Variants in ANGPT2 observed in about 807,000 individuals in gnomAD.
ANGPT2 encodes angiopoietin-2.
In ANGPT2, 28 loss-of-function variants were observed where a neutral mutation model predicts 62.9. The ratio of observed to expected loss-of-function variants is 0.44; its 90% CI spans 0.33 to 0.61. The LOEUF (loss-of-function observed/expected upper bound fraction) is 0.61. Ranked by LOEUF, ANGPT2 falls within the 20% of genes least tolerant of loss-of-function variation. The probability of loss-of-function intolerance (pLI) is 0.03; values close to 1 mark genes in which losing one functional copy is unlikely to be tolerated. For synonymous variants in ANGPT2, 284 were observed against 207.8 expected (o/e 1.37, Z -3.15); for missense variants, 727 against 594.9 (o/e 1.22, Z -2.31).
chr8:6,508,575 A>G (rs1431172140), intron 8 of ANGPT2: 6 of 423,192 alleles, frequency 1.4e-5, no homozygotes, highest in Non-Finnish European at 1.7e-5. Flanking sequence ...TGTGGTTGCT[A>G]CTTGGAATTT....
At chr8:6,504,475 C>T (rs1280323294) in intron 8 of ANGPT2, among the ~76,000 whole-genome samples, 1 of 152,146 alleles carries the variant, frequency 6.6e-6, no homozygotes, top group Non-Finnish European at 1.5e-5. Context: ...CTCCTGATCA[C>T]TTAGTAGCTG....
intron 7 of ANGPT2, among the ~76,000 whole-genome samples, chr8:6,511,752 T>G (rs1340623338): frequency 6.6e-6 from 1 of 152,230 alleles, no homozygotes; most frequent in Non-Finnish European, 1.5e-5. Flanking sequence ...AAATGGCCTA[T>G]CCAAAAATTG....
chr8:6,535,369 AT>A (rs1820293157), intron 1 of ANGPT2, among the ~76,000 whole-genome samples: 1 of 152,188 alleles, frequency 6.6e-6, no homozygotes, highest in Non-Finnish European at 1.5e-5. Flanking sequence ...TACAGGCCCA[AT>A]TTTAAAAAAT....
intron 1 of ANGPT2, among the ~76,000 whole-genome samples, chr8:6,541,212 G>A (rs1306523504): frequency 2.0e-5 from 3 of 152,230 alleles, no homozygotes; most frequent in Non-Finnish European, 2.9e-5. Flanking sequence ...GCACCAGAGG[G>A]TTTCCCTGAC....
intron 4 of ANGPT2, among the ~76,000 whole-genome samples, chr8:6,520,412 C>T (rs1817092212): frequency 6.6e-6 from 1 of 152,014 alleles, no homozygotes; most frequent in Non-Finnish European, 1.5e-5. Context: ...CATTGCCTGC[C>T]CCTTCAGGCC....
intron 1 of ANGPT2, among the ~76,000 whole-genome samples, chr8:6,536,370 A>T (rs1820503344): frequency 6.6e-6 from 1 of 150,856 alleles, no homozygotes; most frequent in African/African-American, 2.4e-5. Context: ...ATGTTAGCTC[A>T]ACCCAGAGGC....
At position 6,505,366 on chromosome 8, in the gene ANGPT2, T is replaced by A. The variant is rs547411890; in HGVS notation, c.1328-2105A>T. 2.9e-3 allele frequency among the ~76,000 whole-genome samples: 234 copies of A among 79,686 alleles called. 32 individuals are homozygous for A. Among genetic ancestry groups the A allele is most frequent in the African/African-American group, 0.012 (215 of 18,074 alleles). 52.3% of individuals were successfully genotyped at this position (79,686 alleles called of 152,430 possible). On this transcript the variant is annotated intron_variant, in intron 8 of 8. Coordinates refer to ENST00000629816, the MANE Select transcript of ANGPT2 (RefSeq NM_001118887.2). ...TATATATATTCTTTCTATATGTATA[T>A]AGAATATATATATTCTTTCTATATG...
At chr8:6,514,607 G>A (rs1331723408) in intron 6 of ANGPT2, 70 bp downstream of exon 6, 1 of 1,375,946 alleles carries the variant, frequency 7.3e-7, no homozygotes, top group Non-Finnish European at 1.0e-6. Flanking sequence ...GGTGGTTAAG[G>A]TTCCGCAGAT....
intron 5 of ANGPT2, among the ~76,000 whole-genome samples, chr8:6,518,907 A>T (rs1358355215): frequency 2.0e-5 from 3 of 152,084 alleles, no homozygotes; most frequent in Non-Finnish European, 4.4e-5. Flanking sequence ...TATTCTCCGG[A>T]AGGGTTTTTT....
intron 7 of ANGPT2, 142 bp from the exon 8 acceptor site, chr8:6,509,204 A>G (rs1386108312): frequency 1.1e-5 from 12 of 1,085,902 alleles, no homozygotes; most frequent in African/African-American, 3.2e-5. Context: ...TGGACAAAAT[A>G]TTTTGCACTG....
intron 8 of ANGPT2, among the ~76,000 whole-genome samples, chr8:6,507,199 T>G (rs997990619): frequency 6.6e-6 from 1 of 152,078 alleles, no homozygotes; most frequent in African/African-American, 2.4e-5. Context: ...TGCCCAGCCC[T>G]ATTAATGATT....
chr8:6,535,338 A>G (rs995897981), intron 1 of ANGPT2, among the ~76,000 whole-genome samples: 6 of 152,234 alleles, frequency 3.9e-5, no homozygotes, highest in African/African-American at 1.4e-4. Context: ...TTGAAATTAA[A>G]CTTAGGAACT....
intron 3 of ANGPT2, among the ~76,000 whole-genome samples, chr8:6,525,478 C>G (rs1280000642): frequency 6.6e-6 from 1 of 152,228 alleles, no homozygotes; most frequent in Non-Finnish European, 1.5e-5. Flanking sequence ...AATCCTATCA[C>G]TCTGGCCTCC....
intron 1 of ANGPT2, among the ~76,000 whole-genome samples, chr8:6,542,838 A>G (rs927558726): frequency 6.6e-6 from 1 of 152,170 alleles, no homozygotes; most frequent in African/African-American, 2.4e-5. Context: ...CTTGGTCACA[A>G]TGACTATCCT....
chr8:6,532,477 T>G lies in ANGPT2; in HGVS notation c.299A>C (p.Tyr100Ser), dbSNP rs199554025. The change falls in exon 2 of 9, where the codon TAT (tyrosine) becomes TCT (serine). Residue 100 changes from tyrosine (Y) to serine (S), a missense_variant. Coordinates refer to ENST00000629816, the MANE Select transcript of ANGPT2 (RefSeq NM_001118887.2). ...TTCTTTCTTCATGTTGTCCTGGATA[T>G]AATTCTCAAGCTAGAAAAGAACAGT... ...NTQWLMKLEN[Y>S]IQDNMKKEMV... The G allele has an allele frequency of 6.2e-7, 1 of 1,612,180 alleles. No individual in the cohort carries two copies. The highest frequency in any genetic ancestry group is 8.5e-7 in the Non-Finnish European group (1 of 1,179,366).
At chr8:6,520,912 C>G (rs1338327734) in intron 4 of ANGPT2, among the ~76,000 whole-genome samples, 2 of 152,204 alleles carry the variant, frequency 1.3e-5, no homozygotes, top group African/African-American at 4.8e-5. Context: ...TTTGCCCAGT[C>G]TCATCCTTCT....
intron 1 of ANGPT2, among the ~76,000 whole-genome samples, chr8:6,540,556 G>A (rs1407830309): frequency 6.6e-6 from 1 of 152,212 alleles, no homozygotes; most frequent in African/African-American, 2.4e-5. Flanking sequence ...CAGATTCCTG[G>A]AAGATGAGGA....
intron 7 of ANGPT2, among the ~76,000 whole-genome samples, chr8:6,510,590 C>T (rs547495524): frequency 6.6e-6 from 1 of 152,218 alleles, no homozygotes; most frequent in Non-Finnish European, 1.5e-5. Context: ...TGGCCGCCAT[C>T]TTTGTTTTGG....
intron 1 of ANGPT2, among the ~76,000 whole-genome samples, chr8:6,543,982 A>G (rs932819598): frequency 5.3e-5 from 8 of 152,324 alleles, no homozygotes; most frequent in Admixed American, 2.6e-4. Flanking sequence ...AATATATTTT[A>G]AGCATTTTAA....
Sources: allele counts gnomAD v4.1 joint callset (sites outside exome capture counted in the v4.1 genomes callset), GRCh38; gene constraint gnomAD v4.1.1; transcripts MANE v1.5; gene names NCBI Gene and HGNC (gene_info 2026-07-23, HGNC 2026-07-21).